Variants in TMEM114 observed in about 807,000 individuals in gnomAD.
TMEM114 encodes transmembrane protein 114, also known as claudin-26.
A neutral mutation model predicts 6.2 loss-of-function variants in TMEM114; 6 were observed. The observed-to-expected ratio is 0.97, with a 90% confidence interval of 0.53 to 1.91. The LOEUF is 1.91. Among genes scored for constraint, TMEM114 ranks in the 40% most tolerant of loss-of-function variants. The pLI, the probability that TMEM114 is intolerant of heterozygous loss-of-function variation, is 0.01. For missense variants in TMEM114, 218 were observed against 158.3 expected (o/e 1.38, Z -2.02); for synonymous variants, 104 against 73.0 (o/e 1.42, Z -2.16).
At chr16:8,586,230 A>C (rs1222302559) in intron 2 of TMEM114, among the ~76,000 whole-genome samples, 1 of 152,186 alleles carries the variant, frequency 6.6e-6, no homozygotes, top group Non-Finnish European at 1.5e-5. Context: ...TATGTCTGGA[A>C]ACTCGATGTC....
At chr16:8,564,236 AGTGAATGAGTGAGTG>A (rs1901428918) in intron 2 of TMEM114, among the ~76,000 whole-genome samples, 236 of 9,976 alleles carry the variant, frequency 0.024, 1 homozygote, top group Non-Finnish European at 0.03. Context: ...TGAGTGAGTT[AGTGAATGAGTGAGTG>A]AGTGAATGAG....
chr16:8,569,644 G>T lies in TMEM114; in HGVS notation c.*129C>A, dbSNP rs1178989926. On this transcript the variant is annotated 3_prime_UTR_variant, in exon 4 of 4. Transcript: ENST00000620492. ...CAAGCTTAGTCCGCGGGGATTTGTG[G>T]GGGAAGGAGGGGGGTGCCTGGCCTC... 4.2e-6 allele frequency: 6 copies of T among 1,439,118 alleles called. No homozygotes were observed. The highest frequency in any genetic ancestry group is 5.4e-6 in the Non-Finnish European group (6 of 1,100,944). 89.1% of individuals were successfully genotyped at this position (1,439,118 alleles called of 1,614,324 possible).
chr16:8,555,132 A>C (rs1900966818), intron 2 of TMEM114, among the ~76,000 whole-genome samples: 1 of 152,176 alleles, frequency 6.6e-6, no homozygotes, highest in Admixed American at 6.5e-5. Flanking sequence ...GGTGTTTATC[A>C]TGCACATTTC....
At chr16:8,557,882 G>T (rs925185410) in intron 2 of TMEM114, among the ~76,000 whole-genome samples, 1 of 152,174 alleles carries the variant, frequency 6.6e-6, no homozygotes, top group Non-Finnish European at 1.5e-5. Flanking sequence ...TCTTAGAGCT[G>T]CCCTGACAAA....
chr16:8,558,205 G>T (rs1308973358), intron 2 of TMEM114, among the ~76,000 whole-genome samples: 1 of 152,110 alleles, frequency 6.6e-6, no homozygotes, highest in African/African-American at 2.4e-5. Context: ...GTGAGCACAC[G>T]CCACTTCACT....
chr16:8,538,526 G>A (rs1900427411), intron 2 of TMEM114, among the ~76,000 whole-genome samples: 1 of 147,014 alleles, frequency 6.8e-6, no homozygotes. Context: ...GTTTTTTTTT[G>A]AGACAGAGTC....
intron 2 of TMEM114, among the ~76,000 whole-genome samples, chr16:8,560,692 T>C (rs761274057): frequency 6.6e-6 from 1 of 152,164 alleles, no homozygotes; most frequent in African/African-American, 2.4e-5. Flanking sequence ...GGCTCCTGTC[T>C]GTCATTCAGG....
intron 2 of TMEM114, among the ~76,000 whole-genome samples, chr16:8,558,626 C>T (rs984666393): frequency 3.9e-5 from 6 of 152,168 alleles, no homozygotes; most frequent in Non-Finnish European, 5.9e-5. Context: ...GCTTGAACCT[C>T]CAACAGTCCC....
At chr16:8,583,290 A>G (rs184883086) in intron 2 of TMEM114, among the ~76,000 whole-genome samples, 12 of 152,334 alleles carry the variant, frequency 7.9e-5, no homozygotes, top group Admixed American at 7.8e-4. Flanking sequence ...TATTTCATAG[A>G]TGAAAAGCTT....
intron 2 of TMEM114, among the ~76,000 whole-genome samples, chr16:8,579,053 G>A (rs1455612667): frequency 2.0e-5 from 3 of 152,174 alleles, no homozygotes; most frequent in Non-Finnish European, 4.4e-5. Flanking sequence ...CCAGTGCAGA[G>A]ATATTTTAGA....
At chr16:8,551,873 C>T (rs1900854592) in intron 2 of TMEM114, among the ~76,000 whole-genome samples, 1 of 152,164 alleles carries the variant, frequency 6.6e-6, no homozygotes, top group South Asian at 2.1e-4. Context: ...GATACACAAA[C>T]TATACTACAT....
chr16:8,533,691 T>G (rs1006785429), downstream of TMEM114, among the ~76,000 whole-genome samples: 1 of 152,178 alleles, frequency 6.6e-6, no homozygotes, highest in Non-Finnish European at 1.5e-5. Flanking sequence ...CACAGACTAT[T>G]CAACTGAGTG....
At chr16:8,567,177 G>A (rs560220598), downstream of TMEM114, among the ~76,000 whole-genome samples, 1 of 151,948 alleles carries the variant, frequency 6.6e-6, no homozygotes, top group Non-Finnish European at 1.5e-5. Context: ...CCAAAGTGCT[G>A]GGATTACAGG....
At chr16:8,562,686 G>C (rs1234488887) in intron 2 of TMEM114, among the ~76,000 whole-genome samples, 1 of 147,812 alleles carries the variant, frequency 6.8e-6, no homozygotes, top group South Asian at 2.1e-4. Context: ...ATGAGTGAGT[G>C]AGGGAATGAG....
At chr16:8,536,289 A>G (rs1270385318), downstream of TMEM114, among the ~76,000 whole-genome samples, 1 of 151,848 alleles carries the variant, frequency 6.6e-6, no homozygotes. Flanking sequence ...ATCTCTAACA[A>G]CCCATTTTAT....
intron 2 of TMEM114, among the ~76,000 whole-genome samples, chr16:8,552,541 C>A (rs1352401211): frequency 6.6e-6 from 1 of 151,920 alleles, no homozygotes; most frequent in African/African-American, 2.4e-5. Context: ...AAGATAAGAT[C>A]TGTAGTTTAA....
At chr16:8,576,188 T>G (rs1323998640) in intron 2 of TMEM114, among the ~76,000 whole-genome samples, 1 of 152,242 alleles carries the variant, frequency 6.6e-6, no homozygotes, top group Non-Finnish European at 1.5e-5. Flanking sequence ...CCAGCTCATA[T>G]GACTGTCCCT....
At chr16:8,563,886 T>TGAG (rs1901399188) in intron 2 of TMEM114, among the ~76,000 whole-genome samples, 1 of 148,162 alleles carries the variant, frequency 6.7e-6, no homozygotes, top group Non-Finnish European at 1.5e-5. Context: ...AGTGAGTGAA[T>TGAG]TAGTGAGTGA....
intron 2 of TMEM114, among the ~76,000 whole-genome samples, chr16:8,577,134 C>A (rs9929530): frequency 0.84 from 127,281 of 152,234 alleles, 53,271 homozygotes; most frequent in Middle Eastern, 0.92. Context: ...AAAAATGGAA[C>A]TGGACCATAT....
Sources: allele counts gnomAD v4.1 joint callset (sites outside exome capture counted in the v4.1 genomes callset), GRCh38; gene constraint gnomAD v4.1.1; transcripts MANE v1.5; gene names NCBI Gene and HGNC (gene_info 2026-07-23, HGNC 2026-07-21).